The following LHCGR variants were observed in gnomAD, a reference collection of about 807,000 sequenced individuals.
LHCGR encodes luteinizing hormone/choriogonadotropin receptor.
LHCGR carries 55 observed loss-of-function variants against 60.7 expected under a neutral mutation model. That is an observed-to-expected ratio of 0.91 (90% CI 0.73 to 1.13). The LOEUF is 1.13. Ranked by LOEUF, LHCGR falls within the 50% of genes most tolerant of loss-of-function variation. The pLI, the probability that LHCGR is intolerant of heterozygous loss-of-function variation, is 0.00. For missense variants in LHCGR, 862 were observed against 836.0 expected, an observed-to-expected ratio of 1.03 and a Z score of -0.38; for synonymous variants, 337 against 316.5, an observed-to-expected ratio of 1.06 and a Z score of -0.69.
At chr2:48,717,833 C>CTTT (rs10711529) in intron 6 of LHCGR, among the ~76,000 whole-genome samples, 165 of 68,898 alleles carry the variant, frequency 2.4e-3, no homozygotes, top group Middle Eastern at 0.01. Flanking sequence ...TTTTCCATGT[C>CTTT]TTTTTTTTTT....
At chr2:48,707,117 C>A (rs773465543) in intron 8 of LHCGR, among the ~76,000 whole-genome samples, 4 of 152,188 alleles carry the variant, frequency 2.6e-5, no homozygotes, top group Non-Finnish European at 4.4e-5. Context: ...CTATTCCTTT[C>A]TGTTTGTGAG....
At chr2:48,736,024 A>G (rs1258485736) in intron 1 of LHCGR, among the ~76,000 whole-genome samples, 1 of 152,134 alleles carries the variant, frequency 6.6e-6, no homozygotes, top group Non-Finnish European at 1.5e-5. Context: ...CTCTGGCTAC[A>G]TGAAAATGTG....
chr2:48,753,230 C>G (rs563848115), intron 1 of LHCGR, among the ~76,000 whole-genome samples: 1 of 152,168 alleles, frequency 6.6e-6, no homozygotes, highest in Non-Finnish European at 1.5e-5. Flanking sequence ...GATGTTCATA[C>G]TGCTGAGCTA....
chr2:48,706,884 T>C (rs1157657134), intron 8 of LHCGR, among the ~76,000 whole-genome samples: 1 of 152,208 alleles, frequency 6.6e-6, no homozygotes, highest in East Asian at 1.9e-4. Context: ...TTCTGAAGCC[T>C]ACTTCTGTCA....
intron 1 of LHCGR, among the ~76,000 whole-genome samples, chr2:48,742,007 C>A (rs1214639563): frequency 7.2e-5 from 11 of 152,012 alleles, no homozygotes; most frequent in Admixed American, 3.9e-4. Context: ...ATCTACCAAG[C>A]CAATGGAAAA....
chr2:48,701,533 G>C (rs77935771), intron 8 of LHCGR, among the ~76,000 whole-genome samples: 4 of 152,104 alleles, frequency 2.6e-5, no homozygotes, highest in Non-Finnish European at 4.4e-5. Context: ...AGTTCCTTTA[G>C]GTGTTCGTTC....
chr2:48,746,747 A>G (rs1669725385), intron 1 of LHCGR, among the ~76,000 whole-genome samples: 1 of 152,232 alleles, frequency 6.6e-6, no homozygotes, highest in African/African-American at 2.4e-5. Context: ...CCCATTTAAC[A>G]TTTTCTAAAG....
chr2:48,729,101 C>A, intron 3 of LHCGR, 52 bp downstream of exon 3: 1 of 1,351,630 alleles, frequency 7.4e-7, no homozygotes, highest in Non-Finnish European at 1.1e-6. Flanking sequence ...TGGGCTCCAG[C>A]CAGTGAGGGT....
At chr2:48,703,687 T>G (rs1445189909) in intron 8 of LHCGR, among the ~76,000 whole-genome samples, 2 of 152,212 alleles carry the variant, frequency 1.3e-5, no homozygotes, top group African/African-American at 2.4e-5. Context: ...GGCTCTCCGT[T>G]AATTTCTTAT....
intron 7 of LHCGR, among the ~76,000 whole-genome samples, chr2:48,711,801 T>A (rs954335023): frequency 1.3e-5 from 2 of 152,288 alleles, no homozygotes; most frequent in African/African-American, 4.8e-5. Context: ...ATTCAGATGA[T>A]CCTGGCATTT....
In LHCGR at chr2:48,701,735, T is replaced by C. The variant is rs182281436; in HGVS notation, c.681-2935A>G. Among the ~76,000 whole-genome samples the C allele has an allele frequency of 6.6e-5, 10 of 152,338 alleles. No homozygotes were observed. The East Asian group carries it at 1.9e-3, about 29-fold the overall frequency. On this transcript the variant is annotated intron_variant, in intron 8 of 10. Coordinates refer to ENST00000294954, the MANE Select transcript of LHCGR (RefSeq NM_000233.4). Reference sequence around the variant, plus strand: ...CCCATCCTATGAAGGCAGAAGTGTTTGTCTCTTCTTATTCTCTGCCATTTC... The same window carrying C: ...CCCATCCTATGAAGGCAGAAGTGTTCGTCTCTTCTTATTCTCTGCCATTTC...
chr2:48,715,520 G>A (rs1163513449), intron 6 of LHCGR, among the ~76,000 whole-genome samples: 1 of 152,196 alleles, frequency 6.6e-6, no homozygotes, highest in Admixed American at 6.5e-5. Flanking sequence ...CCAGGGACAG[G>A]CTGTGGGGTG....
chr2:48,698,097 C>T (rs1233984374), intron 9 of LHCGR, among the ~76,000 whole-genome samples: 1 of 152,174 alleles, frequency 6.6e-6, no homozygotes, highest in African/African-American at 2.4e-5. Flanking sequence ...GGAGCTCCTT[C>T]CCTTCCTGTT....
rs1016948504 is a variant in LHCGR, at chr2:48,741,620, A to C, written c.162-10322T>G. On this transcript the variant is annotated intron_variant, in intron 1 of 10. Coordinates refer to ENST00000294954, the MANE Select transcript of LHCGR (RefSeq NM_000233.4). ...TTCTTAAGTGAAGGAGAAATAAAAT[A>C]CTTTACAGACAAGCAAATGCTGAGA... 2.2e-4 allele frequency among the ~76,000 whole-genome samples: 33 copies of C among 151,758 alleles called. 1 individual carries two copies. The highest frequency in any genetic ancestry group is 1.7e-3 in the Admixed American group (26 of 15,172).
rs746197082 is a variant in LHCGR, at chr2:48,731,249, C to T, written c.211G>A (p.Gly71Arg). 5 of 1,610,926 alleles carry T rather than the reference C, an allele frequency of 3.1e-6. No homozygotes were observed. The highest frequency in any genetic ancestry group is 2.5e-6 in the Non-Finnish European group (3 of 1,177,828). The change falls in exon 2 of 11, where the codon GGA (glycine) becomes AGA (arginine). Residue 71 changes from glycine to arginine, a missense_variant. By Grantham distance (125) the Gly-to-Arg change is moderately radical. Coordinates refer to ENST00000294954, the MANE Select transcript of LHCGR (RefSeq NM_000233.4). ...VKVIPSQAFR[G>R]LNEVIKIEIS... ...TACATTTTTATGACCTCATTAAGTCCTCTGAAAGCTTGAGATGGGATCACT... is the reference window on the plus strand; with the variant it reads ...TACATTTTTATGACCTCATTAAGTCTTCTGAAAGCTTGAGATGGGATCACT...
intron 1 of LHCGR, among the ~76,000 whole-genome samples, chr2:48,753,316 G>C (rs948435200): frequency 6.6e-6 from 1 of 152,158 alleles, no homozygotes; most frequent in African/African-American, 2.4e-5. Flanking sequence ...TTGTCATATG[G>C]ATGTTGGTGT....
Position 48,688,098 on chromosome 2 carries a change from T to A in LHCGR, c.1699A>T (p.Ile567Phe). ...ATGAGGATTGCCATTTTCTTAGCAA[T>A]CTTTGTATCTTTATTGGTAGCCATT... ...ELMATNKDTK[I>F]AKKMAILIFT... The change falls in exon 11 of 11, where the codon ATT (isoleucine) becomes TTT (phenylalanine). Residue 567 changes from isoleucine (I) to phenylalanine (F), a missense_variant. Physicochemically the swap from Ile to Phe is conservative, Grantham distance 21. Transcript: ENST00000294954. This position sits in a 1 kb window ranked among gnomAD's most constrained non-coding sequence, Gnocchi z 5.2. 1.2e-6 allele frequency: 2 copies of A among 1,614,142 alleles called. No homozygotes were observed. The highest frequency in any genetic ancestry group is 1.7e-6 in the Non-Finnish European group (2 of 1,180,018).
chr2:48,706,764 C>G (rs1025269258), intron 8 of LHCGR, among the ~76,000 whole-genome samples: 4 of 152,144 alleles, frequency 2.6e-5, no homozygotes, highest in African/African-American at 9.7e-5. Context: ...CTTTTCTACA[C>G]TGATTTTTCT....
At chr2:48,739,008 G>A (rs1669319013) in intron 1 of LHCGR, among the ~76,000 whole-genome samples, 1 of 152,166 alleles carries the variant, frequency 6.6e-6, no homozygotes, top group Admixed American at 6.5e-5. Flanking sequence ...CTTTCCTGAT[G>A]TCATTCATGG....
Sources: gnomAD v4.1 joint callset for allele counts (sites outside exome capture counted in the v4.1 genomes callset) on GRCh38, gnomAD v4.1.1 for gene constraint, Gnocchi (gnomAD v3.1) non-coding constraint, MANE v1.5 for transcripts, NCBI Gene and HGNC (gene_info 2026-07-23, HGNC 2026-07-21) for gene names.